PPP2R5E: variants seen among roughly 807,000 people sequenced by gnomAD.
The protein encoded by PPP2R5E is serine/threonine-protein phosphatase 2A 56 kDa regulatory subunit epsilon isoform.
In PPP2R5E, 4 loss-of-function variants were observed where a neutral mutation model predicts 65.3. That is an observed-to-expected ratio of 0.06 (90% CI 0.03 to 0.14). The LOEUF (loss-of-function observed/expected upper bound fraction) is 0.14, where lower values mean the gene tolerates loss of function less well. Among genes scored for constraint, PPP2R5E ranks in the 10% least tolerant of loss-of-function variants. The pLI is 1.00. For synonymous variants in PPP2R5E, 183 were observed against 187.4 expected (o/e 0.98, Z 0.19); for missense variants, 274 against 556.1 (o/e 0.49, Z 5.10).
intron 2 of PPP2R5E, among the ~76,000 whole-genome samples, chr14:63,492,585 C>T (rs1477814236): frequency 1.3e-5 from 2 of 152,056 alleles, no homozygotes; most frequent in Non-Finnish European, 2.9e-5. Flanking sequence ...TTGGACTCTC[C>T]CAGCCTCTTC....
chr14:63,516,446 A>G lies in PPP2R5E; in HGVS notation c.157+23083T>C, dbSNP rs531216791. ...AGCTTTAAGTAAAAGTTCACAGATG[A>G]AGAAAAAATGTTTAACACAACATGA... On this transcript the variant is annotated intron_variant, in intron 2 of 13. Coordinates refer to ENST00000337537, the MANE Select transcript of PPP2R5E (RefSeq NM_006246.5). Among the ~76,000 whole-genome samples the G allele has an allele frequency of 2.5e-3, 385 of 152,346 alleles. 2 individuals carry two copies. The highest frequency in any genetic ancestry group is 3.7e-3 in the Non-Finnish European group (253 of 68,030).
At chr14:63,430,361 A>ACATGCATG (rs1566696321) in intron 3 of PPP2R5E, among the ~76,000 whole-genome samples, 1 of 133,440 alleles carries the variant, frequency 7.5e-6, no homozygotes, top group African/African-American at 3.4e-5. Context: ...ATACATACAT[A>ACATGCATG]CATACATACA....
chr14:63,540,791 G>A (rs1020123271), intron 1 of PPP2R5E, among the ~76,000 whole-genome samples: 1 of 151,618 alleles, frequency 6.6e-6, no homozygotes, highest in African/African-American at 2.4e-5. Context: ...TGAAAATTTA[G>A]TGAAAATAAT....
intron 3 of PPP2R5E, among the ~76,000 whole-genome samples, chr14:63,448,432 T>C (rs1888628310): frequency 6.6e-6 from 1 of 152,166 alleles, no homozygotes; most frequent in Non-Finnish European, 1.5e-5. Flanking sequence ...CACAAAGATA[T>C]GAAAGGGGCA....
At chr14:63,467,227 A>AAAAC (rs915267428) in intron 2 of PPP2R5E, among the ~76,000 whole-genome samples, 2 of 139,024 alleles carry the variant, frequency 1.4e-5, no homozygotes, top group Admixed American at 1.4e-4. Context: ...CGTCTCAAAA[A>AAAAC]AAACAAACAA....
intron 2 of PPP2R5E, among the ~76,000 whole-genome samples, chr14:63,461,640 T>TAAAAA (rs199591299): frequency 3.9e-4 from 55 of 139,800 alleles, no homozygotes; most frequent in African/African-American, 1.3e-3. Flanking sequence ...CTACAAAATT[T>TAAAAA]AAAAAAAAAA....
At chr14:63,537,763 C>G (rs888159205) in intron 2 of PPP2R5E, among the ~76,000 whole-genome samples, 2 of 152,070 alleles carry the variant, frequency 1.3e-5, no homozygotes, top group Non-Finnish European at 2.9e-5. Context: ...TGGTTTCCTC[C>G]AAGCCACACT....
chr14:63,403,664 AC>A (rs1469569661), intron 5 of PPP2R5E, among the ~76,000 whole-genome samples: 1 of 151,806 alleles, frequency 6.6e-6, no homozygotes, highest in Non-Finnish European at 1.5e-5. Context: ...TAACTGATAG[AC>A]TAGTTGATAT....
At chr14:63,381,169 A>C (rs938846240) in intron 13 of PPP2R5E, among the ~76,000 whole-genome samples, 2 of 152,252 alleles carry the variant, frequency 1.3e-5, no homozygotes, top group African/African-American at 4.8e-5. Context: ...GATTTTTACT[A>C]AGCCATAAGC....
chr14:63,486,163 A>C (rs935130428), intron 2 of PPP2R5E, among the ~76,000 whole-genome samples: 1 of 151,826 alleles, frequency 6.6e-6, no homozygotes, highest in Non-Finnish European at 1.5e-5. Flanking sequence ...AGTCCCCTAA[A>C]GGCATTTCCT....
At chr14:63,394,276 A>C (rs1224859987) in intron 7 of PPP2R5E, among the ~76,000 whole-genome samples, 2 of 151,678 alleles carry the variant, frequency 1.3e-5, no homozygotes, top group African/African-American at 4.8e-5. Flanking sequence ...GTAGAGAAGG[A>C]GTTTCACCAT....
At chr14:63,502,574 G>A (rs140227837) in intron 2 of PPP2R5E, among the ~76,000 whole-genome samples, 1 of 152,186 alleles carries the variant, frequency 6.6e-6, no homozygotes, top group Non-Finnish European at 1.5e-5. Flanking sequence ...GACTGAGGCA[G>A]GAGAATTGCT....
chr14:63,472,057 G>A lies in PPP2R5E; in HGVS notation c.158-18172C>T, dbSNP rs150401995. On this transcript the variant is annotated intron_variant, in intron 2 of 13. Coordinates refer to ENST00000337537, the MANE Select transcript of PPP2R5E (RefSeq NM_006246.5). Reference sequence around the variant, plus strand: ...GACTCATGCCTGTCATCCCAGCACTGTTGGAGGCCAAGGCAGGTGGATCAC... The same window carrying A: ...GACTCATGCCTGTCATCCCAGCACTATTGGAGGCCAAGGCAGGTGGATCAC... Among the ~76,000 whole-genome samples the A allele has an allele frequency of 9.5e-3, 1,452 of 152,290 alleles. 29 individuals carry two copies. The highest frequency in any genetic ancestry group is 0.034 in the African/African-American group (1,397 of 41,554).
chr14:63,416,365 A>C (rs1332484082), intron 4 of PPP2R5E, among the ~76,000 whole-genome samples: 1 of 152,172 alleles, frequency 6.6e-6, no homozygotes, highest in East Asian at 1.9e-4. Flanking sequence ...TTTCCTTACT[A>C]ACTGTGTAAC....
intron 3 of PPP2R5E, among the ~76,000 whole-genome samples, chr14:63,430,365 A>ACATGCATG (rs1555359654): frequency 4.5e-5 from 6 of 132,304 alleles, no homozygotes; most frequent in Admixed American, 3.0e-4. Flanking sequence ...ATACATACAT[A>ACATGCATG]CATACATGCA....
intron 3 of PPP2R5E, among the ~76,000 whole-genome samples, chr14:63,424,508 T>G (rs936378711): frequency 2.6e-5 from 4 of 151,986 alleles, no homozygotes; most frequent in Admixed American, 6.5e-5. Flanking sequence ...TCCCAGCACT[T>G]TGAGAGGCCG....
In PPP2R5E at chr14:63,518,101, G is replaced by T. The variant is rs376848855; in HGVS notation, c.157+21428C>A. On this transcript the variant is annotated intron_variant, in intron 2 of 13. Coordinates refer to ENST00000337537, the MANE Select transcript of PPP2R5E (RefSeq NM_006246.5). ...TATTAATTTTATTTTTTAGAGACAG[G>T]ATCTCACTCTGTCACCCAGGCTGTG... Among the ~76,000 whole-genome samples the T allele has an allele frequency of 3.7e-4, 57 of 152,246 alleles. 1 individual carries two copies. Among genetic ancestry groups the T allele is most frequent in the African/African-American group, 1.3e-3 (56 of 41,552 alleles).
chr14:63,445,160 T>C (rs774631744), intron 3 of PPP2R5E, among the ~76,000 whole-genome samples: 1 of 152,196 alleles, frequency 6.6e-6, no homozygotes, highest in Non-Finnish European at 1.5e-5. Context: ...AGACAGTGGC[T>C]TCCATGTTCT....
chr14:63,525,867 C>CT (rs1056801768), intron 2 of PPP2R5E, among the ~76,000 whole-genome samples: 1 of 151,896 alleles, frequency 6.6e-6, no homozygotes, highest in Non-Finnish European at 1.5e-5. Flanking sequence ...TTCTTCCTGT[C>CT]TTTTTTTTGA....
Sources: allele counts gnomAD v4.1 joint callset (sites outside exome capture counted in the v4.1 genomes callset), GRCh38; gene constraint gnomAD v4.1.1; transcripts MANE v1.5; gene names NCBI Gene and HGNC (gene_info 2026-07-23, HGNC 2026-07-21).